CORO2B: variants seen among roughly 807,000 people sequenced by gnomAD.
CORO2B encodes coronin 2B.
Under a neutral mutation model 58.8 loss-of-function variants are expected in CORO2B, and 26 were observed. The observed-to-expected ratio is 0.44, with a 90% confidence interval of 0.32 to 0.61. The LOEUF (loss-of-function observed/expected upper bound fraction) is 0.61, where lower values mean the gene tolerates loss of function less well. CORO2B is among the 20% of genes least tolerant of loss of function. The probability of loss-of-function intolerance (pLI) is 0.04; values close to 1 mark genes in which losing one functional copy is unlikely to be tolerated. For missense variants in CORO2B, 460 were observed against 645.1 expected, an observed-to-expected ratio of 0.71 and a Z score of 3.11; for synonymous variants, 242 against 253.8, an observed-to-expected ratio of 0.95 and a Z score of 0.44.
chr15:68,614,297 CT>C (rs1434266245), intron 1 of CORO2B, among the ~76,000 whole-genome samples: 2 of 152,268 alleles, frequency 1.3e-5, no homozygotes, highest in African/African-American at 4.8e-5. Flanking sequence ...TGGATTTGTT[CT>C]ATTTAAATAT....
rs1055191811 is a variant in CORO2B at position 68,666,002 on chromosome 15, T to C, written c.216+20642T>C. 3.3e-5 allele frequency among the ~76,000 whole-genome samples: 5 copies of C among 152,336 alleles called. No individual in the cohort carries two copies. The East Asian group carries it at 9.6e-4, about 29-fold the overall frequency. ...CTCTTGTTCCTAACTTTGATGGCAA[T>C]GCATCAGGTATTTACCTTTTACATA... On this transcript the variant is annotated intron_variant, in intron 2 of 11. Transcript: ENST00000261861.
the CORO2B span, among the ~76,000 whole-genome samples, chr15:68,530,403 A>T: frequency 6.6e-6 from 1 of 152,156 alleles, no homozygotes; most frequent in Non-Finnish European, 1.5e-5. Context: ...CTTTCTTAAT[A>T]CATGCTCCAT....
At chr15:68,546,441 C>G in the CORO2B span, among the ~76,000 whole-genome samples, 1 of 152,150 alleles carries the variant, frequency 6.6e-6, no homozygotes, top group Non-Finnish European at 1.5e-5. Context: ...TGCGGGGAGT[C>G]CTGTCAGAGT....
chr15:68,537,376 A>G, the CORO2B span, among the ~76,000 whole-genome samples: 144,547 of 152,170 alleles, frequency 0.95, 68,738 homozygotes, highest in East Asian at 1. Flanking sequence ...AGGCAATAGC[A>G]TGGGCACTCT....
chr15:68,692,173 G>A (rs2140310908), intron 2 of CORO2B, among the ~76,000 whole-genome samples: 1 of 152,312 alleles, frequency 6.6e-6, no homozygotes, highest in African/African-American at 2.4e-5. Context: ...TGGGCAAGTA[G>A]CTTAACCTCT....
chr15:68,645,056 C>G lies in CORO2B; in HGVS notation c.16-104C>G, dbSNP rs1279723132. 1 of 1,202,338 alleles carries G rather than the reference C, an allele frequency of 8.3e-7. No individual in the cohort carries two copies. 74.5% of individuals were successfully genotyped at this position (1,202,338 alleles called of 1,614,324 possible). ...TGACAGGGGACCCAGGGCCTGCTCA[C>G]CTGCTGCACCTCTGAGCCGCAGCTT... On this transcript the variant is annotated intron_variant, in intron 1 of 11. Transcript: ENST00000261861. The surrounding 1 kb of genome is among the most constrained non-coding windows in gnomAD (Gnocchi z 4.5).
chr15:68,712,020 G>C (rs1197808677), intron 5 of CORO2B, among the ~76,000 whole-genome samples: 1 of 152,152 alleles, frequency 6.6e-6, no homozygotes, highest in East Asian at 1.9e-4. Context: ...GTGTTACCCA[G>C]GTCCACCACA....
At chr15:68,722,430 G>A (rs573608038) in intron 11 of CORO2B, among the ~76,000 whole-genome samples, 81 of 152,306 alleles carry the variant, frequency 5.3e-4, no homozygotes, top group Admixed American at 5.2e-3. Flanking sequence ...AAAGGTGGAC[G>A]CATTGATCTA....
the CORO2B span, among the ~76,000 whole-genome samples, chr15:68,553,635 A>G: frequency 2.0e-5 from 3 of 152,224 alleles, no homozygotes; most frequent in Admixed American, 2.0e-4. Context: ...ATTTGTTACA[A>G]GTGGAAGGCT....
chr15:68,727,788 A>G lies in CORO2B; in HGVS notation c.*1814A>G, dbSNP rs1893340175. 6.6e-6 allele frequency: 1 copy of G among 152,572 alleles called. No individual in the cohort carries two copies. Among genetic ancestry groups the G allele is most frequent in the Admixed American group, 6.5e-5 (1 of 15,276 alleles). 9.5% of individuals were successfully genotyped at this position (152,572 alleles called of 1,614,324 possible). On this transcript the variant is annotated 3_prime_UTR_variant, in exon 12 of 12. Transcript: ENST00000261861. ...CTCCCAAGGATAGAATTGAAATAAA[A>G]TGTTTTCAACTTATCAAACCTGGGC...
chr15:68,607,593 G>A (rs1900157584), intron 1 of CORO2B, among the ~76,000 whole-genome samples: 2 of 152,106 alleles, frequency 1.3e-5, no homozygotes, highest in Non-Finnish European at 2.9e-5. Flanking sequence ...CGAGGTGGCA[G>A]GATCTCTTGA....
At chr15:68,683,811 G>T (rs1330364192) in intron 2 of CORO2B, among the ~76,000 whole-genome samples, 1 of 152,200 alleles carries the variant, frequency 6.6e-6, no homozygotes, top group East Asian at 1.9e-4. Flanking sequence ...TGGTGGCAGG[G>T]ATGAACCAGG....
At chr15:68,704,212 C>T (rs934744400) in intron 3 of CORO2B, among the ~76,000 whole-genome samples, 1 of 151,386 alleles carries the variant, frequency 6.6e-6, no homozygotes, top group East Asian at 1.9e-4. Flanking sequence ...TGCACTCCAG[C>T]CTGGGTGAGA....
the CORO2B span, among the ~76,000 whole-genome samples, chr15:68,532,626 A>C: frequency 1.3e-5 from 2 of 152,142 alleles, no homozygotes; most frequent in African/African-American, 4.8e-5. Flanking sequence ...TTCTGCTTCT[A>C]CTGACTGATT....
At chr15:68,720,712 G>C (rs866665254) in intron 11 of CORO2B, among the ~76,000 whole-genome samples, 17 of 152,168 alleles carry the variant, frequency 1.1e-4, no homozygotes, top group Non-Finnish European at 1.3e-4. Context: ...GCAAGAGAGG[G>C]CACCCAAGAT....
the CORO2B span, among the ~76,000 whole-genome samples, chr15:68,530,054 G>GTGGC: frequency 6.6e-6 from 1 of 152,208 alleles, no homozygotes; most frequent in Non-Finnish European, 1.5e-5. Context: ...GCCGGGCACA[G>GTGGC]TGGCTCATGC....
intron 1 of CORO2B, among the ~76,000 whole-genome samples, chr15:68,611,499 A>G (rs1371271485): frequency 1.3e-5 from 2 of 152,108 alleles, no homozygotes; most frequent in African/African-American, 4.8e-5. Context: ...TATTTATACC[A>G]TATTTTACTG....
At chr15:68,704,421 T>C (rs1046425030) in intron 3 of CORO2B, among the ~76,000 whole-genome samples, 1 of 152,018 alleles carries the variant, frequency 6.6e-6, no homozygotes. Context: ...ATGGGTATAA[T>C]TATCCTTACA....
intron 3 of CORO2B, among the ~76,000 whole-genome samples, chr15:68,709,449 T>A (rs1463115277): frequency 3.5e-5 from 5 of 141,190 alleles, no homozygotes; most frequent in Non-Finnish European, 6.0e-5. Context: ...CGAAAAGATT[T>A]TTTTTTCGTG....
Sources: gnomAD v4.1 joint callset for allele counts (sites outside exome capture counted in the v4.1 genomes callset) on GRCh38, gnomAD v4.1.1 for gene constraint, Gnocchi (gnomAD v3.1) non-coding constraint, MANE v1.5 for transcripts, NCBI Gene and HGNC (gene_info 2026-07-23, HGNC 2026-07-21) for gene names.